IL1RAPL1: variants seen among roughly 807,000 people sequenced by gnomAD.
The protein encoded by IL1RAPL1 is interleukin 1 receptor accessory protein like 1.
Under a neutral mutation model 48.4 loss-of-function variants are expected in IL1RAPL1, and 3 were observed. The observed-to-expected ratio is 0.06, with a 90% CI of 0.03 to 0.16. The LOEUF is 0.16. Among genes scored for constraint, IL1RAPL1 ranks in the 10% least tolerant of loss-of-function variants. The pLI, the probability that IL1RAPL1 is intolerant of heterozygous loss-of-function variation, is 1.00. For synonymous variants in IL1RAPL1, 185 were observed against 187.7 expected, an observed-to-expected ratio of 0.99 and a Z score of 0.12; for missense variants, 349 against 530.6, an observed-to-expected ratio of 0.66 and a Z score of 3.36.
chrX:28,635,480 G>T (rs775594777), intron 1 of IL1RAPL1, among the ~76,000 whole-genome samples: 5 of 111,718 alleles, frequency 4.5e-5, no homozygotes, highest in Non-Finnish European at 9.4e-5. Flanking sequence ...TTCGCTTTCA[G>T]TACATGAGGT....
In IL1RAPL1 at chrX:28,758,478, T is replaced by G. The variant is rs1286278311; in HGVS notation, c.-24-30842T>G. On this transcript the variant is annotated intron_variant, in intron 1 of 10. Coordinates refer to ENST00000378993, the MANE Select transcript of IL1RAPL1 (RefSeq NM_014271.4). ...ATTAGAGGTGGAGAAAAACATTACA[T>G]GTAGTTGAATAGAGCTACTTTTGAA... 4.5e-5 allele frequency among the ~76,000 whole-genome samples: 5 copies of G among 111,553 alleles called. No individual in the cohort carries two copies. In the East Asian group the frequency reaches 1.4e-3, roughly 32 times the overall value.
At chrX:29,247,862 G>T (rs1357007613) in intron 2 of IL1RAPL1, among the ~76,000 whole-genome samples, 3 of 111,551 alleles carry the variant, frequency 2.7e-5, no homozygotes, top group African/African-American at 9.8e-5. Flanking sequence ...CATCATGGAA[G>T]GATAATTATT....
At chrX:28,814,341 T>TTGTGTGTGTGTGTGTGTGTGTG (rs753090480) in intron 2 of IL1RAPL1, among the ~76,000 whole-genome samples, 2 of 89,747 alleles carry the variant, frequency 2.2e-5, no homozygotes, top group Non-Finnish European at 2.2e-5. Context: ...ATTTTCAGGT[T>TTGTGTGTGTGTGTGTGTGTGTG]TGTGTGTGTG....
chrX:29,876,889 C>T, intron 6 of IL1RAPL1, among the ~76,000 whole-genome samples: 1 of 111,856 alleles, frequency 8.9e-6, no homozygotes, highest in Non-Finnish European at 1.9e-5. Flanking sequence ...TAAATAATTG[C>T]ACGCCCATCT....
chrX:28,944,568 A>T (rs1924246663), intron 2 of IL1RAPL1, among the ~76,000 whole-genome samples: 1 of 111,106 alleles, frequency 9.0e-6, no homozygotes, highest in Admixed American at 9.6e-5. Flanking sequence ...AATTATTGAT[A>T]ATTTCTTGGA....
chrX:29,373,511 G>A (rs7061580), intron 3 of IL1RAPL1, among the ~76,000 whole-genome samples: 11,785 of 110,675 alleles, frequency 0.11, 488 homozygotes, highest in South Asian at 0.16. Context: ...GTGGGGGATG[G>A]TCCCAGCTTT....
intron 6 of IL1RAPL1, among the ~76,000 whole-genome samples, chrX:29,756,765 A>T (rs746194105): frequency 7.1e-5 from 8 of 112,083 alleles, no homozygotes; most frequent in African/African-American, 2.3e-4. Context: ...GTCCAAAAAG[A>T]TATGTTGAAA....
chrX:29,932,760 A>G (rs1398255042), intron 8 of IL1RAPL1, among the ~76,000 whole-genome samples: 1 of 110,897 alleles, frequency 9.0e-6, no homozygotes, highest in African/African-American at 3.3e-5. Flanking sequence ...TGCTCAATAA[A>G]TATCAGCTCT....
At chrX:29,843,109 G>A (rs1333892339) in intron 6 of IL1RAPL1, among the ~76,000 whole-genome samples, 1 of 112,146 alleles carries the variant, frequency 8.9e-6, no homozygotes, top group Admixed American at 9.5e-5. Context: ...GAGGGCTTGA[G>A]AACAACCTCT....
rs185607032 is a variant in IL1RAPL1 at position 28,697,478 on chromosome X, T to C, written c.-24-91842T>C. Among the ~76,000 whole-genome samples the C allele has an allele frequency of 9.7e-3, 1,083 of 111,322 alleles. 11 individuals are homozygous for C. The highest frequency in any genetic ancestry group is 0.033 in the African/African-American group (1,031 of 30,813). ...CTAGAATTTTTAAAAACATATGTAA[T>C]CTTTTAATATTTTTAAAAATTTGTA... On this transcript the variant is annotated intron_variant, in intron 1 of 10. Transcript: ENST00000378993.
chrX:29,906,203 C>G (rs866335040), intron 6 of IL1RAPL1, among the ~76,000 whole-genome samples: 23 of 105,565 alleles, frequency 2.2e-4, no homozygotes, highest in Non-Finnish European at 3.9e-5. Flanking sequence ...GGCGTCGTGG[C>G]GGGCTCCTGT....
chrX:28,950,581 G>A (rs1428789521), intron 2 of IL1RAPL1, among the ~76,000 whole-genome samples: 1 of 102,140 alleles, frequency 9.8e-6, no homozygotes, highest in East Asian at 3.2e-4. Context: ...AGCATGGAAT[G>A]TTCTTCCATT....
At chrX:29,776,422 C>G (rs1223173380) in intron 6 of IL1RAPL1, among the ~76,000 whole-genome samples, 8 of 111,945 alleles carry the variant, frequency 7.1e-5, no homozygotes, top group Admixed American at 3.8e-4. Context: ...ATTACTTTTA[C>G]CTGCCTCTCC....
chrX:28,954,134 A>G lies in IL1RAPL1; in HGVS notation c.82+164709A>G, dbSNP rs137967730. Among the ~76,000 whole-genome samples the G allele has an allele frequency of 6.9e-3, 775 of 111,800 alleles. 7 individuals are homozygous for G. The highest frequency in any genetic ancestry group is 0.024 in the African/African-American group (729 of 30,888). On this transcript the variant is annotated intron_variant, in intron 2 of 10. Coordinates refer to ENST00000378993, the MANE Select transcript of IL1RAPL1 (RefSeq NM_014271.4). ...TCATAACCAAAGAAATGCAATTGAC[A>G]TAGTGTAAAAGTTCAATTTCAGTGT...
At chrX:29,803,057 ATATATGTATGCATGTATACATATATGTG>A (rs1318328799) in intron 6 of IL1RAPL1, among the ~76,000 whole-genome samples, 1 of 43,941 alleles carries the variant, frequency 2.3e-5, no homozygotes, top group Non-Finnish European at 4.3e-5. Context: ...ATGTGTACAT[ATATATGTATGCATGTATACATATATGTG>A]TATATGTATA....
chrX:29,523,679 G>C (rs1177632415), intron 5 of IL1RAPL1, among the ~76,000 whole-genome samples: 1 of 110,972 alleles, frequency 9.0e-6, no homozygotes, highest in Admixed American at 9.6e-5. Flanking sequence ...AGTAAATCAC[G>C]TTTGAATCCA....
intron 2 of IL1RAPL1, among the ~76,000 whole-genome samples, chrX:29,109,922 G>A (rs1928527223): frequency 9.0e-6 from 1 of 111,584 alleles, no homozygotes; most frequent in Non-Finnish European, 1.9e-5. Context: ...TTTACTGGAA[G>A]GTCTGCCTTT....
chrX:29,335,691 G>T (rs755922463), intron 3 of IL1RAPL1, among the ~76,000 whole-genome samples: 1 of 111,315 alleles, frequency 9.0e-6, no homozygotes, highest in African/African-American at 3.3e-5. Context: ...AAGTCAGAAT[G>T]CTTGACTGTA....
intron 6 of IL1RAPL1, among the ~76,000 whole-genome samples, chrX:29,853,154 A>G (rs1412536413): frequency 9.4e-6 from 1 of 106,839 alleles, no homozygotes; most frequent in Admixed American, 1.0e-4. Context: ...TGCAAGGAGT[A>G]CATGTAAAAA....
Sources: allele counts gnomAD v4.1 joint callset (sites outside exome capture counted in the v4.1 genomes callset), GRCh38; gene constraint gnomAD v4.1.1; transcripts MANE v1.5; gene names NCBI Gene and HGNC (gene_info 2026-07-23, HGNC 2026-07-21).